The following NIPA2 variants were observed in gnomAD, a reference collection of about 807,000 sequenced individuals.
The protein encoded by NIPA2 is magnesium transporter NIPA2.
In NIPA2, 11 loss-of-function variants were observed where a neutral mutation model predicts 29.7. The ratio of observed to expected loss-of-function variants is 0.37; its 90% confidence interval spans 0.23 to 0.61. The LOEUF is 0.61. Among genes scored for constraint, NIPA2 ranks in the 20% least tolerant of loss-of-function variants. The pLI is 0.66. For missense variants in NIPA2, 426 were observed against 437.9 expected (o/e 0.97, Z 0.24); for synonymous variants, 183 against 161.9 (o/e 1.13, Z -0.99).
intron 2 of NIPA2, among the ~76,000 whole-genome samples, chr15:22,843,322 G>T (rs967184308): frequency 6.6e-6 from 1 of 151,856 alleles, no homozygotes; most frequent in African/African-American, 2.4e-5. Flanking sequence ...GGCTAACATG[G>T]TGAAACCCCC....
In NIPA2 at chr15:22,858,529, C is replaced by A. The variant is rs2141402349; in HGVS notation, c.197-11C>A. 6.3e-7 allele frequency: 1 copy of A among 1,590,894 alleles called. No individual in the cohort carries two copies. Among genetic ancestry groups the A allele is most frequent in the South Asian group, 1.1e-5 (1 of 88,292 alleles). ...CTTACCTGAGTTTTTCTTTTGTTGT[C>A]TGTCTCTAAGTGGGAGCTGGTGAGG... On this transcript the variant is annotated splice_polypyrimidine_tract_variant and intron_variant, in intron 5 of 7. Coordinates refer to ENST00000337451, the MANE Select transcript of NIPA2 (RefSeq NM_030922.7).
intron 3 of NIPA2, among the ~76,000 whole-genome samples, chr15:22,850,979 A>G (rs1360946532): frequency 2.6e-5 from 4 of 152,144 alleles, no homozygotes; most frequent in African/African-American, 9.7e-5. Context: ...CCATTTGGAA[A>G]AACAATTGCA....
intron 2 of NIPA2, among the ~76,000 whole-genome samples, 176 bp downstream of exon 2, chr15:22,839,966 C>A (rs1273788812): frequency 1.2e-4 from 19 of 152,116 alleles, no homozygotes; most frequent in Non-Finnish European, 1.5e-5. Flanking sequence ...CTTGCTCTGT[C>A]CCCAGGCTAG....
chr15:22,843,018 A>G (rs1897552050), intron 2 of NIPA2, among the ~76,000 whole-genome samples: 1 of 149,868 alleles, frequency 6.7e-6, no homozygotes, highest in Non-Finnish European at 1.5e-5. Flanking sequence ...AAAAAAAAAG[A>G]GAGATCTAAA....
chr15:22,856,977 C>G (rs1023132343), intron 5 of NIPA2, among the ~76,000 whole-genome samples: 2 of 152,186 alleles, frequency 1.3e-5, no homozygotes, highest in Non-Finnish European at 2.9e-5. Context: ...TCCCAGTGTT[C>G]TAAAATTTCT....
intron 2 of NIPA2, among the ~76,000 whole-genome samples, chr15:22,843,469 G>T (rs539735078): frequency 6.7e-6 from 1 of 149,922 alleles, no homozygotes; most frequent in East Asian, 2.0e-4. Flanking sequence ...TAGCGCCACT[G>T]CACTCCAGCC....
Position 22,866,866 on chromosome 15 carries a change from T to C in NIPA2, c.*19T>C. ...TTTTTAAGAAAGGTGTAATTAAAGG[T>C]TAATCTGTGATTGTTATGAAGTGAA... On this transcript the variant is annotated 3_prime_UTR_variant, in exon 8 of 8. Transcript: ENST00000337451. The C allele has an allele frequency of 5.1e-6, 8 of 1,561,414 alleles. No individual in the cohort carries two copies. Among genetic ancestry groups the C allele is most frequent in the Non-Finnish European group, 4.3e-6 (5 of 1,154,562 alleles).
At chr15:22,854,572 C>T (rs987611075) in intron 5 of NIPA2, among the ~76,000 whole-genome samples, 1 of 151,746 alleles carries the variant, frequency 6.6e-6, no homozygotes, top group Non-Finnish European at 1.5e-5. Flanking sequence ...TGGTGAAACC[C>T]CGTCTCTACT....
Position 22,847,201 on chromosome 15 carries a change from C to T in NIPA2, c.-94+1934C>T, listed in dbSNP as rs149219100. On this transcript the variant is annotated intron_variant, in intron 3 of 7. Transcript: ENST00000337451. ...GATTACAGGCCTGAGCCACCGCGCC[C>T]GGCCTTGTGAGTCTATTGTTATACT... 5.3e-5 allele frequency among the ~76,000 whole-genome samples: 8 copies of T among 152,024 alleles called. No individual in the cohort carries two copies. In the East Asian group the frequency reaches 5.8e-4, roughly 11 times the overall value.
intron 2 of NIPA2, among the ~76,000 whole-genome samples, chr15:22,840,309 T>TTG (rs973836666): frequency 4.0e-5 from 6 of 150,328 alleles, no homozygotes; most frequent in Middle Eastern, 3.2e-3. Context: ...TTTGTTTTTT[T>TTG]TTTTTTGAGA....
rs758789206 is a variant in NIPA2 at position 22,853,279 on chromosome 15, A to G, written c.196+11A>G. ...CTGGACTGCTGTCAAGTATGTATAA[A>G]GAACATTGCAAGAAAAATATGATAG... On this transcript the variant is annotated intron_variant, in intron 5 of 7. Transcript: ENST00000337451. The G allele has an allele frequency of 3.2e-6, 5 of 1,577,754 alleles. No individual in the cohort carries two copies.
chr15:22,860,191 T>C (rs1331097333), intron 6 of NIPA2, among the ~76,000 whole-genome samples: 1 of 152,058 alleles, frequency 6.6e-6, no homozygotes, highest in African/African-American at 2.4e-5. Flanking sequence ...GACTGATTTT[T>C]GTATTTTTAG....
rs1218560471 is a variant in NIPA2, at chr15:22,868,299, C to CAT, written c.*1454_*1455dup. 5 of 152,180 alleles carry CAT rather than the reference C, an allele frequency of 3.3e-5. No individual in the cohort carries two copies. The East Asian group carries it at 9.6e-4, about 29-fold the overall frequency. 9.4% of individuals were successfully genotyped at this position (152,180 alleles called of 1,614,324 possible). On this transcript the variant is annotated 3_prime_UTR_variant, in exon 8 of 8. Transcript: ENST00000337451. ...ACTGTACCTACATCTGTGCTTTGTA[C>CAT]ATAAAAGAACCAGTTTTCTCCCCCT...
Position 22,867,820 on chromosome 15 carries a change from C to T in NIPA2, c.*973C>T, listed in dbSNP as rs1386095043. On this transcript the variant is annotated 3_prime_UTR_variant, in exon 8 of 8. Coordinates refer to ENST00000337451, the MANE Select transcript of NIPA2 (RefSeq NM_030922.7). ...TACTTTGCTTAAGAGCTCCTTTGGG[C>T]CACTACATATTTTGGTTTCTAGAAA... The T allele has an allele frequency of 1.3e-5, 2 of 150,792 alleles. No individual in the cohort carries two copies. The highest frequency in any genetic ancestry group is 3.0e-5 in the Non-Finnish European group (2 of 67,740). The allele number at this position is 150,792 out of a possible 1,614,324, so 9.3% of individuals were successfully genotyped here. A position where few individuals can be genotyped will look rare whatever the true frequency, so the allele number is the denominator to read the frequency against.
At chr15:22,850,951 A>G (rs1191549524) in intron 3 of NIPA2, among the ~76,000 whole-genome samples, 3 of 152,188 alleles carry the variant, frequency 2.0e-5, no homozygotes, top group African/African-American at 7.2e-5. Context: ...TCATCTGTCA[A>G]CTGAGTTTAT....
intron 2 of NIPA2, among the ~76,000 whole-genome samples, chr15:22,842,190 G>C (rs978614140): frequency 1.3e-5 from 2 of 152,106 alleles, no homozygotes; most frequent in Non-Finnish European, 2.9e-5. Flanking sequence ...CTCAGTAAAC[G>C]TTGGTTGGTT....
At chr15:22,843,683 C>T (rs1180242651) in intron 2 of NIPA2, among the ~76,000 whole-genome samples, 1 of 151,088 alleles carries the variant, frequency 6.6e-6, no homozygotes, top group Non-Finnish European at 1.5e-5. Context: ...CGGAGTCTCG[C>T]CCTGTGGCCC....
chr15:22,866,283 T>C lies in NIPA2; in HGVS notation c.519T>C (p.His173=). The change falls in exon 8 of 8, where the codon CAT becomes CAC. Residue 173 remains histidine (H), a synonymous_variant. Coordinates refer to ENST00000337451, the MANE Select transcript of NIPA2 (RefSeq NM_030922.7). ...LILIFVVGPR[H]GQTNILVYIT... ...TAATCTTCGTGGTGGGTCCTCGCCA[T>C]GGACAGACAAACATTCTTGTGTACA... 7 of 1,613,922 alleles carry C rather than the reference T, an allele frequency of 4.3e-6. No individual in the cohort carries two copies. The highest frequency in any genetic ancestry group is 5.1e-6 in the Non-Finnish European group (6 of 1,179,800).
At chr15:22,840,724 C>A (rs1208988741) in intron 2 of NIPA2, among the ~76,000 whole-genome samples, 1 of 152,050 alleles carries the variant, frequency 6.6e-6, no homozygotes, top group African/African-American at 2.4e-5. Flanking sequence ...TAAAGTGATA[C>A]CTTCATCTTA....
Sources: gnomAD v4.1 joint callset for allele counts (sites outside exome capture counted in the v4.1 genomes callset) on GRCh38, gnomAD v4.1.1 for gene constraint, MANE v1.5 for transcripts, NCBI Gene and HGNC (gene_info 2026-07-23, HGNC 2026-07-21) for gene names.